The following TENM3 variants were observed in gnomAD, a reference collection of about 807,000 sequenced individuals.
TENM3 encodes teneurin transmembrane protein 3, also known as teneurin-3.
A neutral mutation model predicts 255.1 loss-of-function variants in TENM3; 63 were observed. The observed-to-expected ratio is 0.25, with a 90% CI of 0.20 to 0.30. The LOEUF (loss-of-function observed/expected upper bound fraction) is 0.30. TENM3 is among the 10% of genes least tolerant of loss of function. The probability of loss-of-function intolerance (pLI) is 1.00; values close to 1 mark genes in which losing one functional copy is unlikely to be tolerated. For missense variants in TENM3, 2,929 were observed against 3,461.1 expected, an observed-to-expected ratio of 0.85 and a Z score of 3.86; for synonymous variants, 1,306 against 1,322.3, an observed-to-expected ratio of 0.99 and a Z score of 0.27.
chr4:182,680,316 T>C lies in TENM3; in HGVS notation c.1606T>C (p.Phe536Leu), dbSNP rs1351234468. The C allele has an allele frequency of 9.3e-6, 15 of 1,613,868 alleles. No homozygotes were observed. The highest frequency in any genetic ancestry group is 1.3e-5 in the African/African-American group (1 of 75,036). ...GECVSGTCHC[F>L]PGFLGPDCSR... Reference sequence around the variant, plus strand: ...ATGCGTTTCTGGAACTTGCCATTGTTTTCCAGGATTTCTGGGTCCGGATTG... The same window carrying C: ...ATGCGTTTCTGGAACTTGCCATTGTCTTCCAGGATTTCTGGGTCCGGATTG... Residue 536 changes from phenylalanine (F) to leucine (L), a missense_variant, in exon 9 of 28, where the codon TTT becomes CTT. Physicochemically the swap from Phe to Leu is conservative, Grantham distance 22 (BLOSUM62 0). Around this residue, in one of 6 missense-constraint regions of TENM3, gnomAD observed 1,608 missense variants for 1,884.4 expected, o/e 0.85. Transcript: ENST00000511685.
chr4:182,309,246 G>A (rs1031784760), intron 1 of TENM3, among the ~76,000 whole-genome samples: 1 of 152,188 alleles, frequency 6.6e-6, no homozygotes, highest in African/African-American at 2.4e-5. Context: ...CGCTGAGTGC[G>A]AATTTCCCAC....
chr4:181,852,300 C>A, the TENM3 span, among the ~76,000 whole-genome samples: 3 of 152,176 alleles, frequency 2.0e-5, no homozygotes, highest in Admixed American at 6.5e-5. Flanking sequence ...GAAACCTTAA[C>A]GTCTTTTCCT....
intron 3 of TENM3, among the ~76,000 whole-genome samples, chr4:182,369,076 A>G (rs1224729524): frequency 6.6e-6 from 1 of 152,186 alleles, no homozygotes; most frequent in Non-Finnish European, 1.5e-5. Context: ...GAAAACAGCC[A>G]TTTGTAACAG....
chr4:182,501,178 G>A (rs563311680), intron 3 of TENM3, among the ~76,000 whole-genome samples: 1 of 152,160 alleles, frequency 6.6e-6, no homozygotes, highest in South Asian at 2.1e-4. Flanking sequence ...GGTAGTAAGA[G>A]CCAAATAATA....
the TENM3 span, among the ~76,000 whole-genome samples, chr4:182,008,642 T>G: frequency 6.6e-6 from 1 of 152,144 alleles, no homozygotes; most frequent in South Asian, 2.1e-4. Flanking sequence ...TTATCAAGGT[T>G]CTTAGCTTCT....
the TENM3 span, among the ~76,000 whole-genome samples, chr4:181,852,131 A>G: frequency 6.6e-6 from 1 of 152,214 alleles, no homozygotes; most frequent in Admixed American, 6.5e-5. Context: ...CCCACAGTGG[A>G]TCCTCAGGCT....
intron 3 of TENM3, among the ~76,000 whole-genome samples, chr4:182,478,007 A>G (rs1242297656): frequency 6.6e-5 from 10 of 152,174 alleles, no homozygotes; most frequent in Non-Finnish European, 1.5e-4. Flanking sequence ...CCAATTGTCA[A>G]TTTTACACAT....
intron 7 of TENM3, among the ~76,000 whole-genome samples, chr4:182,676,011 C>T (rs1274125792): frequency 6.6e-6 from 1 of 152,134 alleles, no homozygotes; most frequent in Non-Finnish European, 1.5e-5. Flanking sequence ...GTGGTTTATT[C>T]AAGATCAGCA....
rs183302230 is a variant in TENM3, at chr4:182,478,163, G to C, written c.512-122761G>C. Among the ~76,000 whole-genome samples, 262 of 152,066 alleles carry C rather than the reference G, an allele frequency of 1.7e-3. 1 individual carries two copies. Among genetic ancestry groups the C allele is most frequent in the African/African-American group, 5.9e-3 (247 of 41,518 alleles). ...AAAATTAAAAATAACTTTTGTAATT[G>C]AGGTAATAATCCTCATTTGTAGTGT... On this transcript the variant is annotated intron_variant, in intron 3 of 27. Transcript: ENST00000511685.
chr4:182,017,609 T>C, the TENM3 span, among the ~76,000 whole-genome samples: 1 of 152,190 alleles, frequency 6.6e-6, no homozygotes, highest in Non-Finnish European at 1.5e-5. Context: ...CCCTCCTTAC[T>C]TAGATAAGAG....
intron 3 of TENM3, among the ~76,000 whole-genome samples, chr4:182,359,966 A>C (rs1179030260): frequency 2.0e-5 from 3 of 151,756 alleles, no homozygotes. Flanking sequence ...TTCTGCCTTC[A>C]TTTCGTTATG....
the TENM3 span, among the ~76,000 whole-genome samples, chr4:181,882,549 G>C: frequency 1.3e-5 from 2 of 152,166 alleles, no homozygotes; most frequent in South Asian, 4.1e-4. Flanking sequence ...TAGTTCAGCT[G>C]TGAAAACAAA....
the TENM3 span, among the ~76,000 whole-genome samples, chr4:181,923,928 T>C: frequency 1.3e-5 from 2 of 152,166 alleles, no homozygotes; most frequent in Non-Finnish European, 1.5e-5. Flanking sequence ...CCTGAGTATA[T>C]TAACTGTACA....
At chr4:181,919,374 GGTGT>G in the TENM3 span, among the ~76,000 whole-genome samples, 4 of 146,846 alleles carry the variant, frequency 2.7e-5, no homozygotes, top group South Asian at 2.2e-4. Context: ...AAGCAAAGCA[GGTGT>G]GTGTGTGTGT....
chr4:181,739,204 A>T, the TENM3 span, among the ~76,000 whole-genome samples: 1 of 152,334 alleles, frequency 6.6e-6, no homozygotes, highest in African/African-American at 2.4e-5. Context: ...CTGCATCAAT[A>T]ATTAGACAGG....
At chr4:181,890,887 G>GT in the TENM3 span, among the ~76,000 whole-genome samples, 1 of 152,094 alleles carries the variant, frequency 6.6e-6, no homozygotes, top group African/African-American at 2.4e-5. Flanking sequence ...AAATTCTATT[G>GT]TTTTCCTGGA....
intron 1 of TENM3, among the ~76,000 whole-genome samples, chr4:182,295,686 A>G (rs1288346757): frequency 3.9e-5 from 6 of 152,200 alleles, no homozygotes; most frequent in Admixed American, 3.3e-4. Flanking sequence ...AACAAATAAT[A>G]TAAGGGGAAG....
At chr4:182,461,223 C>T (rs933364175) in intron 3 of TENM3, among the ~76,000 whole-genome samples, 2 of 152,212 alleles carry the variant, frequency 1.3e-5, no homozygotes, top group African/African-American at 2.4e-5. Flanking sequence ...GATCTTCTCT[C>T]TCCCCTGCTC....
chr4:181,757,977 G>A, the TENM3 span, among the ~76,000 whole-genome samples: 17 of 152,080 alleles, frequency 1.1e-4, no homozygotes, highest in African/African-American at 3.4e-4. Context: ...CTACAATTAC[G>A]ACCAGTGACA....
Sources: allele counts gnomAD v4.1 joint callset (sites outside exome capture counted in the v4.1 genomes callset), GRCh38; gene constraint gnomAD v4.1.1; regional missense constraint gnomAD v4.1.1; transcripts MANE v1.5; gene names NCBI Gene and HGNC (gene_info 2026-07-23, HGNC 2026-07-21).